The following FRAS1 variants were observed in gnomAD, a reference collection of about 807,000 sequenced individuals.
The protein encoded by FRAS1 is extracellular matrix organizing protein FRAS1.
A neutral mutation model predicts 435.2 loss-of-function variants in FRAS1; 290 were observed. That is an observed-to-expected ratio of 0.67 (90% CI 0.61 to 0.73). FRAS1 has a LOEUF of 0.73. Among genes scored for constraint, FRAS1 ranks in the 30% least tolerant of loss-of-function variants. The probability of loss-of-function intolerance (pLI) is 0.00; values close to 1 mark genes in which losing one functional copy is unlikely to be tolerated. For missense variants in FRAS1, 4,860 were observed against 5,001.5 expected (o/e 0.97, Z 0.85); for synonymous variants, 1,800 against 1,851.0 (o/e 0.97, Z 0.71).
intron 29 of FRAS1, among the ~76,000 whole-genome samples, chr4:78,391,985 C>A (rs1270459594): frequency 6.8e-6 from 1 of 147,726 alleles, no homozygotes; most frequent in Non-Finnish European, 1.5e-5. Flanking sequence ...AGGGTTTCAC[C>A]TTTTGGGGGG....
At chr4:78,266,407 G>A (rs992616061) in intron 7 of FRAS1, among the ~76,000 whole-genome samples, 2 of 152,176 alleles carry the variant, frequency 1.3e-5, no homozygotes, top group Admixed American at 6.5e-5. Flanking sequence ...CAAATTTCCC[G>A]TGAGGTCCCC....
chr4:78,400,912 G>C, intron 30 of FRAS1, 25 bp downstream of exon 30: 1 of 1,610,878 alleles, frequency 6.2e-7, no homozygotes, highest in South Asian at 1.1e-5. Context: ...CTTTGGCGTG[G>C]TTTCATCGTT....
Position 78,477,937 on chromosome 4 carries a change from G to A in FRAS1, c.7974G>A (p.Gly2658=), listed in dbSNP as rs1198392350. The A allele has an allele frequency of 6.2e-7, 1 of 1,613,616 alleles. No individual in the cohort carries two copies. The highest frequency in any genetic ancestry group is 1.1e-5 in the South Asian group (1 of 90,912). ...GCATGCCAGCTTATGCCCTGTTAGGGGAATTCACCCAGGCGAAGGTCATTA... is the reference window on the plus strand; with the variant it reads ...GCATGCCAGCTTATGCCCTGTTAGGAGAATTCACCCAGGCGAAGGTCATTA... The part of the protein sequence containing the change: ...ELSMPAYALL[G]EFTQAKVIIN... The change falls in exon 55 of 74, where the codon GGG becomes GGA. Residue 2658 remains glycine, a synonymous_variant. Transcript: ENST00000512123.
chr4:78,307,393 C>G (rs1728801740), intron 14 of FRAS1, among the ~76,000 whole-genome samples: 1 of 152,234 alleles, frequency 6.6e-6, no homozygotes, highest in Admixed American at 6.5e-5. Flanking sequence ...GGGGTCCACC[C>G]AGTTGGAGCT....
chr4:78,122,632 G>A (rs1719095083), intron 2 of FRAS1, among the ~76,000 whole-genome samples: 1 of 151,972 alleles, frequency 6.6e-6, no homozygotes, highest in Non-Finnish European at 1.5e-5. Flanking sequence ...AACCTCTCCA[G>A]CATCTGTTGT....
At chr4:78,231,669 A>G (rs1435756033) in intron 2 of FRAS1, among the ~76,000 whole-genome samples, 8 of 152,098 alleles carry the variant, frequency 5.3e-5, no homozygotes, top group African/African-American at 1.9e-4. Context: ...TTAGAATTCT[A>G]TAAATAATCC....
chr4:78,066,506 C>G (rs1740046258), intron 2 of FRAS1, among the ~76,000 whole-genome samples: 1 of 152,094 alleles, frequency 6.6e-6, no homozygotes, highest in African/African-American at 2.4e-5. Flanking sequence ...TGAACTCTTG[C>G]CATATAGGGT....
chr4:78,516,122 CAACT>C, intron 66 of FRAS1, 109 bp downstream of exon 66: 1 of 773,910 alleles, frequency 1.3e-6, no homozygotes, highest in African/African-American at 1.8e-5. Context: ...CTGGGACAAC[CAACT>C]AAGGGAGTCT....
At chr4:78,114,063 C>T (rs1431644360) in intron 2 of FRAS1, among the ~76,000 whole-genome samples, 3 of 152,128 alleles carry the variant, frequency 2.0e-5, no homozygotes, top group Admixed American at 6.5e-5. Flanking sequence ...CCAGTTTTCC[C>T]AGCACCATTT....
chr4:78,249,323 C>CTTTTTTTTTTTT lies in FRAS1; in HGVS notation c.310-3057_310-3046dup, dbSNP rs11308579. ...TGGCTTTGACATCAAGCAGTGGAGC[C>CTTTTTTTTTTTT]TTTTTTTTTTTTTTTTTTTTTTTGA... is the stretch of plus-strand genomic sequence containing the variant. On this transcript the variant is annotated intron_variant, in intron 4 of 73. Coordinates refer to ENST00000512123, the MANE Select transcript of FRAS1 (RefSeq NM_025074.7). Among the ~76,000 whole-genome samples the CTTTTTTTTTTTT allele has an allele frequency of 6.4e-5, 3 of 47,182 alleles. 1 individual carries two copies. Among genetic ancestry groups the CTTTTTTTTTTTT allele is most frequent in the Non-Finnish European group, 1.2e-4 (3 of 26,008 alleles). The allele number at this position is 47,182 out of a possible 152,430, so 31.0% of individuals were successfully genotyped here.
intron 70 of FRAS1, among the ~76,000 whole-genome samples, chr4:78,532,714 A>G (rs1721754301): frequency 6.6e-6 from 1 of 152,174 alleles, no homozygotes; most frequent in African/African-American, 2.4e-5. Flanking sequence ...TTATGATTCC[A>G]TATATAAGTG....
chr4:78,099,152 G>A (rs1267347168), intron 2 of FRAS1, among the ~76,000 whole-genome samples: 1 of 152,176 alleles, frequency 6.6e-6, no homozygotes, highest in Non-Finnish European at 1.5e-5. Context: ...GGAGAGGGGG[G>A]GCCATGGGGT....
intron 35 of FRAS1, 140 bp from the exon 36 acceptor site, chr4:78,428,955 G>A (rs80095142): frequency 2.8e-6 from 2 of 707,918 alleles, no homozygotes; most frequent in African/African-American, 3.5e-5. Flanking sequence ...AAAGGTTAAA[G>A]TAGTGCAAAA....
chr4:78,361,722 A>G (rs1419983187), intron 20 of FRAS1, among the ~76,000 whole-genome samples: 1 of 152,208 alleles, frequency 6.6e-6, no homozygotes, highest in East Asian at 1.9e-4. Flanking sequence ...TGGATTTTCT[A>G]GAAATCACAA....
chr4:78,384,517 C>T (rs568199119), intron 28 of FRAS1, among the ~76,000 whole-genome samples: 1 of 152,252 alleles, frequency 6.6e-6, no homozygotes, highest in East Asian at 1.9e-4. Flanking sequence ...TGTTTGTGCC[C>T]AGTAAATCTG....
chr4:78,330,631 C>T (rs538240049), intron 18 of FRAS1, among the ~76,000 whole-genome samples: 93 of 152,194 alleles, frequency 6.1e-4, no homozygotes, highest in African/African-American at 2.1e-3. Context: ...CTCTTATGGT[C>T]GAGACTGCAG....
chr4:78,511,236 G>C (rs1273182017), intron 63 of FRAS1, 38 bp from the exon 64 acceptor site: 1 of 1,476,814 alleles, frequency 6.8e-7, no homozygotes, highest in African/African-American at 1.4e-5. Flanking sequence ...TGTTTAAGTA[G>C]GGTACTCACA....
At chr4:78,133,774 T>G (rs1719793792) in intron 2 of FRAS1, among the ~76,000 whole-genome samples, 1 of 152,206 alleles carries the variant, frequency 6.6e-6, no homozygotes, top group East Asian at 1.9e-4. Flanking sequence ...CATATGTTTC[T>G]GTTGTCATCA....
Position 78,375,863 on chromosome 4 carries a change from T to C in FRAS1, c.3276T>C (p.Ser1092=), listed in dbSNP as rs766398682. The C allele has an allele frequency of 6.2e-7, 1 of 1,613,872 alleles. No homozygotes were observed. The highest frequency in any genetic ancestry group is 8.5e-7 in the Non-Finnish European group (1 of 1,179,820). The part of the protein sequence containing the change: ...NCVPGFSVHT[S]NETCSGKIHT... ...TTCCTGGCTTTTCTGTCCACACCTC[T>C]AATGAAACATGTTCTGGTAAGTGCT... The change falls in exon 26 of 74, where the codon TCT becomes TCC. Residue 1092 remains serine, a synonymous_variant. Coordinates refer to ENST00000512123, the MANE Select transcript of FRAS1 (RefSeq NM_025074.7).
Sources: gnomAD v4.1 joint callset for allele counts (sites outside exome capture counted in the v4.1 genomes callset) on GRCh38, gnomAD v4.1.1 for gene constraint, MANE v1.5 for transcripts, NCBI Gene and HGNC (gene_info 2026-07-23, HGNC 2026-07-21) for gene names.